Variants in TPRX1 observed in about 807,000 individuals in gnomAD.
TPRX1 encodes the protein tetra-peptide repeat homeobox protein 1.
Under a neutral mutation model 8.1 loss-of-function variants are expected in TPRX1, and 2 were observed. That is an observed-to-expected ratio of 0.25 (90% CI 0.10 to 0.78). The LOEUF (loss-of-function observed/expected upper bound fraction) is 0.78, where lower values mean the gene tolerates loss of function less well. Among genes scored for constraint, TPRX1 ranks in the 30% least tolerant of loss-of-function variants. The probability of loss-of-function intolerance (pLI) is 0.70; values close to 1 mark genes in which losing one functional copy is unlikely to be tolerated. For missense variants in TPRX1, 517 were observed against 586.9 expected, an observed-to-expected ratio of 0.88 and a Z score of 1.23; for synonymous variants, 257 against 254.1, an observed-to-expected ratio of 1.01 and a Z score of -0.11.
intron 2 of TPRX1, among the ~76,000 whole-genome samples, chr19:47,810,613 C>T (rs1214408357): frequency 6.6e-6 from 1 of 152,070 alleles, no homozygotes; most frequent in Non-Finnish European, 1.5e-5. Context: ...TCCCAAAGTG[C>T]TGGGATTACA....
exon 4 of TPRX1, chr19:47,802,890 C>T (rs761924937): frequency 6.3e-6 from 10 of 1,577,288 alleles, no homozygotes; most frequent in South Asian, 1.1e-5. Flanking sequence ...GCAGCGCGGG[C>T]TCCTCGGCCT....
intron 2 of TPRX1, among the ~76,000 whole-genome samples, chr19:47,810,420 C>G (rs1967772587): frequency 7.6e-6 from 1 of 131,094 alleles, no homozygotes. Context: ...CGGATCTTGG[C>G]TCACTGCAAC....
chr19:47,805,883 A>G (rs1305281565), intron 2 of TPRX1, among the ~76,000 whole-genome samples: 2 of 152,246 alleles, frequency 1.3e-5, no homozygotes, highest in Admixed American at 6.5e-5. Flanking sequence ...ACTATCGCCC[A>G]AAAGGAGAAA....
chr19:47,806,084 G>A (rs915918452), intron 2 of TPRX1, among the ~76,000 whole-genome samples: 5 of 152,056 alleles, frequency 3.3e-5, no homozygotes, highest in South Asian at 4.1e-4. Flanking sequence ...TTAGCTGGGC[G>A]TGGTGGCCAG....
exon 4 of TPRX1, chr19:47,801,488 C>A (rs12462695): frequency 0.44 from 144,078 of 327,224 alleles, 34,021 homozygotes; most frequent in East Asian, 0.66. Flanking sequence ...CATCAGAAGC[C>A]CTGGGAAAAG....
chr19:47,815,684 C>T (rs1967833785), intron 2 of TPRX1, among the ~76,000 whole-genome samples: 1 of 143,514 alleles, frequency 7.0e-6, no homozygotes, highest in Non-Finnish European at 1.5e-5. Flanking sequence ...TGGTGGTGTG[C>T]ACCTGTAGTT....
Position 47,802,103 on chromosome 19 carries a change from GC to G in TPRX1, c.1198del (p.Ala400ProfsTer4). 2 of 1,587,246 alleles carry G rather than the reference GC, an allele frequency of 1.3e-6. No individual in the cohort carries two copies. The highest frequency in any genetic ancestry group is 1.7e-6 in the Non-Finnish European group (2 of 1,168,122). The stretch of plus-strand genomic sequence containing the variant: ...GCCTGAGCCTGGGCCTAAAATCGGG[GC>G]TAGGCCTGGAAGTGAGCCAGGGCTT... On this transcript the variant is annotated frameshift_variant, in exon 4 of 4. Transcript: ENST00000535759. LOFTEE classifies it low-confidence loss of function (END_TRUNC).
intron 2 of TPRX1, among the ~76,000 whole-genome samples, chr19:47,815,991 G>C (rs973018618): frequency 6.6e-6 from 1 of 152,040 alleles, no homozygotes; most frequent in South Asian, 2.1e-4. Context: ...CATGTGTAGC[G>C]GGGTAGTTGA....
chr19:47,813,166 A>T (rs377092458), intron 2 of TPRX1, among the ~76,000 whole-genome samples: 1 of 107,392 alleles, frequency 9.3e-6, no homozygotes, highest in Non-Finnish European at 1.9e-5. Context: ...AACCCCCCCC[A>T]CCCCGCCAAA....
At chr19:47,808,263 C>T (rs771509406) in intron 2 of TPRX1, among the ~76,000 whole-genome samples, 20 of 152,070 alleles carry the variant, frequency 1.3e-4, no homozygotes, top group Non-Finnish European at 2.2e-4. Context: ...TACAGGCACC[C>T]ACCATGATGT....
At chr19:47,802,736 A>T (rs1301085845) in exon 4 of TPRX1, 1 of 1,601,542 alleles carries the variant, frequency 6.2e-7, no homozygotes, top group Admixed American at 1.7e-5. Flanking sequence ...GCCTGGACTC[A>T]GGGCAGCTGG....
chr19:47,807,266 AGTCTC>A (rs1310053479), intron 2 of TPRX1, among the ~76,000 whole-genome samples: 1 of 152,156 alleles, frequency 6.6e-6, no homozygotes, highest in Non-Finnish European at 1.5e-5. Context: ...CGTGTTGCCC[AGTCTC>A]GTCTCGAACT....
chr19:47,813,358 A>T (rs1477429495), intron 2 of TPRX1, among the ~76,000 whole-genome samples: 5 of 151,680 alleles, frequency 3.3e-5, no homozygotes, highest in Non-Finnish European at 7.4e-5. Flanking sequence ...AACTCCCCAA[A>T]AGCCCACGAC....
chr19:47,814,479 C>T (rs962853115), intron 2 of TPRX1, among the ~76,000 whole-genome samples: 2 of 152,250 alleles, frequency 1.3e-5, no homozygotes, highest in Non-Finnish European at 2.9e-5. Flanking sequence ...GGCAACATAG[C>T]GAGACCCTGT....
chr19:47,813,843 C>A (rs955468317), intron 2 of TPRX1, among the ~76,000 whole-genome samples: 20 of 151,644 alleles, frequency 1.3e-4, no homozygotes, highest in Admixed American at 1.1e-3. Context: ...GGGACTAGGA[C>A]AGGGTGAGAG....
chr19:47,811,084 A>G lies in TPRX1; in HGVS notation c.151+7384T>C, dbSNP rs1262237519. Among the ~76,000 whole-genome samples, 8 of 151,020 alleles carry G rather than the reference A, an allele frequency of 5.3e-5. No individual in the cohort carries two copies. In the East Asian group the frequency reaches 1.6e-3, roughly 30 times the overall value. On this transcript the variant is annotated intron_variant, in intron 2 of 3. Transcript: ENST00000535759. The stretch of plus-strand genomic sequence containing the variant: ...AGTGGAGTGATCTCAGGTCACTGCA[A>G]CTTCTGCCTCCCGGGTTCAAGGGAT...
In TPRX1 at chr19:47,802,990, A is replaced by C; in HGVS notation, c.322-10T>G. ...GATTCTTGAACCACACCTGGGGGGC[A>C]GAGGGGACAGGGAGAAGGTGTGAAG... On this transcript the variant is annotated splice_polypyrimidine_tract_variant and intron_variant, in intron 3 of 3. Transcript: ENST00000535759. 1.3e-6 allele frequency: 2 copies of C among 1,540,412 alleles called. No individual in the cohort carries two copies. Among genetic ancestry groups the C allele is most frequent in the Non-Finnish European group, 1.7e-6 (2 of 1,152,184 alleles).
intron 2 of TPRX1, chr19:47,818,352 C>CCATA (rs1967868073): frequency 3.0e-6 from 1 of 334,464 alleles, no homozygotes; most frequent in African/African-American, 3.4e-5. Flanking sequence ...ATCCATCCAT[C>CCATA]CATCCATCCA....
chr19:47,802,225 T>C (rs1428206093), exon 4 of TPRX1: 7 of 1,609,704 alleles, frequency 4.3e-6, no homozygotes, highest in Non-Finnish European at 5.9e-6. Flanking sequence ...TAATTGGGCC[T>C]GGGCCTGAGA....
Sources: gnomAD v4.1 joint callset for allele counts (sites outside exome capture counted in the v4.1 genomes callset) on GRCh38, gnomAD v4.1.1 for gene constraint, MANE v1.5 for transcripts, NCBI Gene and HGNC (gene_info 2026-07-23, HGNC 2026-07-21) for gene names.